The following EIPR1 variants were observed in gnomAD, a reference collection of about 807,000 sequenced individuals.
EIPR1 encodes EARP and GARP complex-interacting protein 1.
EIPR1 carries 25 observed loss-of-function variants against 48.1 expected under a neutral mutation model. The observed-to-expected ratio is 0.52, with a 90% CI of 0.38 to 0.73. The LOEUF (loss-of-function observed/expected upper bound fraction) is 0.73. EIPR1 is among the 30% of genes least tolerant of loss of function. EIPR1 has a pLI of 0.00. For synonymous variants in EIPR1, 204 were observed against 201.9 expected (o/e 1.01, Z -0.09); for missense variants, 415 against 506.2 (o/e 0.82, Z 1.73).
chr2:3,348,800 C>T (rs934044224), intron 2 of EIPR1, among the ~76,000 whole-genome samples: 3 of 152,224 alleles, frequency 2.0e-5, no homozygotes, highest in African/African-American at 7.2e-5. Flanking sequence ...AGCCACCACT[C>T]CCCAGGAGAG....
rs565094619 is a variant in EIPR1 at position 3,265,629 on chromosome 2, G to A, written c.260-8174C>T. Among the ~76,000 whole-genome samples the A allele has an allele frequency of 1.6e-4, 24 of 152,314 alleles. No homozygotes were observed. In the East Asian group the frequency reaches 4.4e-3, roughly 28 times the overall value. On this transcript the variant is annotated intron_variant, in intron 3 of 8. Coordinates refer to ENST00000382125, the MANE Select transcript of EIPR1 (RefSeq NM_003310.5). ...GCCGAATTAATATCACAATGACTAG[G>A]AGCCGGCAGAGGGCAGGGCTCAAGG...
intron 4 of EIPR1, among the ~76,000 whole-genome samples, chr2:3,242,525 C>T (rs574849848): frequency 6.8e-5 from 10 of 146,484 alleles, no homozygotes; most frequent in African/African-American, 1.3e-4. Context: ...CACCCACTGA[C>T]GGCTGGAAGA....
intron 3 of EIPR1, among the ~76,000 whole-genome samples, chr2:3,301,938 C>T (rs1477705629): frequency 2.6e-5 from 4 of 152,154 alleles, no homozygotes; most frequent in Non-Finnish European, 5.9e-5. Context: ...GGCCAGAAGG[C>T]GGAGCAGCGC....
intron 3 of EIPR1, among the ~76,000 whole-genome samples, chr2:3,311,097 T>C (rs535402241): frequency 6.6e-6 from 1 of 152,296 alleles, no homozygotes; most frequent in African/African-American, 2.4e-5. Flanking sequence ...TGCAATAGCT[T>C]GAAGAGTGCT....
Position 3,312,008 on chromosome 2 carries a change from G to A in EIPR1, c.259+26009C>T, listed in dbSNP as rs114725180. 6.8e-3 allele frequency among the ~76,000 whole-genome samples: 1,034 copies of A among 152,282 alleles called. 4 individuals are homozygous for A. The highest frequency in any genetic ancestry group is 0.01 in the Non-Finnish European group (691 of 68,022). ...ACATAAGGACCTGGCGGTCACTCTC[G>A]TGCTGACATACAAATGACACCCTCC... On this transcript the variant is annotated intron_variant, in intron 3 of 8. Transcript: ENST00000382125. The surrounding 1 kb of genome is among the most constrained non-coding windows in gnomAD (Gnocchi z 5.5).
chr2:3,245,502 C>A (rs1208648836), intron 4 of EIPR1, among the ~76,000 whole-genome samples: 1 of 152,252 alleles, frequency 6.6e-6, no homozygotes, highest in Non-Finnish European at 1.5e-5. Context: ...CATAAGCCAC[C>A]ATGCCCAGCC....
intron 3 of EIPR1, among the ~76,000 whole-genome samples, chr2:3,271,188 C>T: frequency 6.6e-6 from 1 of 152,174 alleles, no homozygotes; most frequent in East Asian, 1.9e-4. Flanking sequence ...CTATTTCTAC[C>T]ACAACTGCAG....
intron 1 of EIPR1, among the ~76,000 whole-genome samples, chr2:3,356,737 G>A (rs940498381): frequency 1.3e-5 from 2 of 152,214 alleles, no homozygotes; most frequent in African/African-American, 4.8e-5. Context: ...TTCCCTGGCT[G>A]TAGCCCCAGA....
intron 1 of EIPR1, among the ~76,000 whole-genome samples, chr2:3,357,912 T>G (rs769519434): frequency 5.3e-5 from 8 of 152,342 alleles, no homozygotes; most frequent in South Asian, 2.1e-4. Context: ...AGAGACCTAC[T>G]TATGTCTTGA....
chr2:3,229,653 A>G (rs1666175808), intron 4 of EIPR1, among the ~76,000 whole-genome samples: 1 of 152,218 alleles, frequency 6.6e-6, no homozygotes, highest in Non-Finnish European at 1.5e-5. Context: ...CATAAGCAGT[A>G]TTCCATTAAG....
intron 3 of EIPR1, among the ~76,000 whole-genome samples, chr2:3,269,712 G>A (rs865935141): frequency 1.5e-4 from 23 of 149,426 alleles, no homozygotes; most frequent in African/African-American, 2.5e-4. Flanking sequence ...CTCAATCATC[G>A]CACTCAATCA....
At chr2:3,296,301 G>A (rs1173839457) in intron 3 of EIPR1, among the ~76,000 whole-genome samples, 2 of 81,958 alleles carry the variant, frequency 2.4e-5, no homozygotes, top group African/African-American at 9.9e-5. Flanking sequence ...CCTCCATCCA[G>A]CCCATCCTCT....
intron 1 of EIPR1, among the ~76,000 whole-genome samples, chr2:3,359,764 C>T (rs982694771): frequency 6.6e-6 from 1 of 152,134 alleles, no homozygotes; most frequent in African/African-American, 2.4e-5. Flanking sequence ...GTTCCAATGA[C>T]CTTATTACAA....
At chr2:3,354,004 G>C (rs991774423) in intron 2 of EIPR1, among the ~76,000 whole-genome samples, 2 of 152,124 alleles carry the variant, frequency 1.3e-5, no homozygotes, top group Non-Finnish European at 2.9e-5. Flanking sequence ...CCAGCAAGGG[G>C]AATCCGTGTG....
At chr2:3,229,581 G>C (rs554168876) in intron 4 of EIPR1, among the ~76,000 whole-genome samples, 1 of 152,290 alleles carries the variant, frequency 6.6e-6, no homozygotes, top group East Asian at 1.9e-4. Context: ...CTGCAACCAG[G>C]CTGTTGAATG....
chr2:3,289,461 G>A (rs1211050199), intron 3 of EIPR1, among the ~76,000 whole-genome samples: 1 of 152,140 alleles, frequency 6.6e-6, no homozygotes, highest in African/African-American at 2.4e-5. Flanking sequence ...ACCGAACTGA[G>A]GGACCACGGG....
chr2:3,299,600 A>ATT (rs1273749407), intron 3 of EIPR1, among the ~76,000 whole-genome samples: 4 of 147,116 alleles, frequency 2.7e-5, no homozygotes, highest in Admixed American at 6.7e-5. Context: ...AAAGGAAAAT[A>ATT]TTTTCTCTCT....
chr2:3,335,151 G>A (rs565505117), intron 3 of EIPR1, among the ~76,000 whole-genome samples: 2 of 152,300 alleles, frequency 1.3e-5, no homozygotes, highest in South Asian at 4.1e-4. Context: ...GCCTGGTGGG[G>A]GCCTGGAGAC....
At chr2:3,247,745 C>T (rs923390944) in intron 4 of EIPR1, among the ~76,000 whole-genome samples, 2 of 152,050 alleles carry the variant, frequency 1.3e-5, no homozygotes, top group African/African-American at 4.8e-5. Context: ...CAGGGAGAAA[C>T]CTAATCCTTT....
Sources: allele counts gnomAD v4.1 joint callset (sites outside exome capture counted in the v4.1 genomes callset), GRCh38; gene constraint gnomAD v4.1.1; non-coding constraint Gnocchi (gnomAD v3.1); transcripts MANE v1.5; gene names NCBI Gene and HGNC (gene_info 2026-07-23, HGNC 2026-07-21).